Variants in SHANK2 observed in about 807,000 individuals in gnomAD.
The protein encoded by SHANK2 is SH3 and multiple ankyrin repeat domains protein 2.
In SHANK2, 43 loss-of-function variants were observed where a neutral mutation model predicts 133.7. The observed-to-expected ratio is 0.32, with a 90% CI of 0.25 to 0.41. The LOEUF is 0.41. SHANK2 is among the 10% of genes least tolerant of loss of function. The probability of loss-of-function intolerance (pLI) is 1.00; values close to 1 mark genes in which losing one functional copy is unlikely to be tolerated. For missense variants in SHANK2, 1,994 were observed against 2,235.8 expected (o/e 0.89, Z 2.18); for synonymous variants, 1,017 against 952.8 (o/e 1.07, Z -1.24).
chr11:70,615,814 T>A (rs1458035286), intron 17 of SHANK2, among the ~76,000 whole-genome samples: 2 of 152,110 alleles, frequency 1.3e-5, no homozygotes, highest in African/African-American at 4.8e-5. Context: ...CACCCACAGG[T>A]CTAAGCCACC....
intron 11 of SHANK2, among the ~76,000 whole-genome samples, chr11:70,849,136 C>T (rs1336441439): frequency 6.6e-6 from 1 of 152,270 alleles, no homozygotes; most frequent in East Asian, 1.9e-4. Flanking sequence ...GGACACAAGG[C>T]ACAATTACCA....
intron 14 of SHANK2, among the ~76,000 whole-genome samples, chr11:70,718,222 T>A (rs1180502514): frequency 6.6e-6 from 1 of 152,218 alleles, no homozygotes; most frequent in Non-Finnish European, 1.5e-5. Flanking sequence ...GCTGTCCTCG[T>A]CCCCAGTAAT....
At chr11:70,545,338 C>T (rs1284032981) in intron 17 of SHANK2, among the ~76,000 whole-genome samples, 4 of 152,242 alleles carry the variant, frequency 2.6e-5, no homozygotes, top group African/African-American at 4.8e-5. Flanking sequence ...GAGACATTCA[C>T]GGCCCCTGAC....
chr11:70,815,767 A>G (rs1307850634), intron 12 of SHANK2, among the ~76,000 whole-genome samples: 1 of 152,166 alleles, frequency 6.6e-6, no homozygotes, highest in East Asian at 1.9e-4. Context: ...AACCCCATCA[A>G]GGCTGCACTT....
intron 13 of SHANK2, among the ~76,000 whole-genome samples, chr11:70,805,015 T>C (rs566944265): frequency 7.9e-5 from 12 of 152,312 alleles, no homozygotes; most frequent in Non-Finnish European, 1.6e-4. Flanking sequence ...CATGGGAGCC[T>C]GTCTGCAGCT....
At chr11:70,696,974 C>T (rs1362876585) in intron 15 of SHANK2, among the ~76,000 whole-genome samples, 1 of 152,180 alleles carries the variant, frequency 6.6e-6, no homozygotes, top group Non-Finnish European at 1.5e-5. Flanking sequence ...CACGAATGAA[C>T]CTTGAAGACA....
intron 8 of SHANK2, among the ~76,000 whole-genome samples, chr11:71,079,859 A>AGGAAGGGGAGGGGAGGGGAAGGAAG (rs1490664581): frequency 1.8e-4 from 6 of 34,004 alleles, no homozygotes; most frequent in Admixed American, 3.9e-4. Flanking sequence ...GGGGAGGGGA[A>AGGAAGGGGAGGGGAGGGGAAGGAAG]GGGAGGGGAG....
chr11:70,897,468 A>G (rs1555075912), intron 10 of SHANK2, among the ~76,000 whole-genome samples: 1 of 152,260 alleles, frequency 6.6e-6, no homozygotes, highest in African/African-American at 2.4e-5. Flanking sequence ...GTCTTTCCTT[A>G]GGACTAAGGC....
chr11:70,818,247 C>T (rs1360214257), intron 12 of SHANK2, among the ~76,000 whole-genome samples: 3 of 152,182 alleles, frequency 2.0e-5, no homozygotes, highest in Non-Finnish European at 2.9e-5. Flanking sequence ...AGCATGCACA[C>T]AGGCAAATGC....
intron 9 of SHANK2, among the ~76,000 whole-genome samples, chr11:71,063,939 C>A (rs991598386): frequency 1.4e-4 from 22 of 152,004 alleles, no homozygotes; most frequent in Non-Finnish European, 2.8e-4. Flanking sequence ...AGCTGCTGGA[C>A]CCCCAGACCC....
chr11:70,666,278 A>G (rs1565226882), intron 15 of SHANK2, among the ~76,000 whole-genome samples: 2 of 152,132 alleles, frequency 1.3e-5, no homozygotes. Flanking sequence ...GTTTTGGGGA[A>G]TTCATGAAAA....
chr11:71,101,835 C>A (rs1951720598), intron 6 of SHANK2, among the ~76,000 whole-genome samples: 1 of 152,194 alleles, frequency 6.6e-6, no homozygotes, highest in Non-Finnish European at 1.5e-5. Context: ...ACAGCTACAG[C>A]AGCAAGAAGG....
At chr11:70,550,096 C>T (rs966999845) in intron 17 of SHANK2, among the ~76,000 whole-genome samples, 4 of 152,106 alleles carry the variant, frequency 2.6e-5, no homozygotes, top group Admixed American at 6.5e-5. Flanking sequence ...TACCAGCTCC[C>T]GCCAGGCTCC....
intron 14 of SHANK2, among the ~76,000 whole-genome samples, chr11:70,750,802 C>T (rs1946736963): frequency 1.3e-5 from 2 of 152,286 alleles, no homozygotes; most frequent in Middle Eastern, 3.4e-3. Flanking sequence ...TGGGACAGAT[C>T]TCAATCGCAA....
At chr11:71,088,483 A>G (rs1042348915) in intron 8 of SHANK2, among the ~76,000 whole-genome samples, 4 of 152,236 alleles carry the variant, frequency 2.6e-5, no homozygotes, top group Admixed American at 2.6e-4. Context: ...AACAAGACTC[A>G]TTATCCATTT....
intron 17 of SHANK2, chr11:70,571,459 GC>G (rs1554983059): frequency 1.3e-5 from 2 of 152,200 alleles, no homozygotes; most frequent in East Asian, 3.9e-4. Context: ...ATACCATCGT[GC>G]TACTTTTTCT....
intron 17 of SHANK2, among the ~76,000 whole-genome samples, chr11:70,637,351 G>A (rs1257815843): frequency 3.9e-5 from 6 of 152,194 alleles, no homozygotes; most frequent in Admixed American, 2.6e-4. Flanking sequence ...TGTGTGGCCC[G>A]CACACAACTG....
chr11:70,803,520 A>AATCAC (rs2135252571), intron 13 of SHANK2, among the ~76,000 whole-genome samples: 1 of 151,856 alleles, frequency 6.6e-6, no homozygotes, highest in East Asian at 2.0e-4. Context: ...AATGCTGCAA[A>AATCAC]ATCACCTGAG....
chr11:70,648,391 A>G (rs1307043533), intron 17 of SHANK2, among the ~76,000 whole-genome samples: 1 of 152,256 alleles, frequency 6.6e-6, no homozygotes, highest in Non-Finnish European at 1.5e-5. Flanking sequence ...ATAAAGAAGT[A>G]AAATTCCACA....
Sources: gnomAD v4.1 joint callset for allele counts (sites outside exome capture counted in the v4.1 genomes callset) on GRCh38, gnomAD v4.1.1 for gene constraint, MANE v1.5 for transcripts, NCBI Gene and HGNC (gene_info 2026-07-23, HGNC 2026-07-21) for gene names.